The following SRSF3 variants were observed in gnomAD, a reference collection of about 807,000 sequenced individuals.
SRSF3 encodes serine/arginine-rich splicing factor 3.
For missense variants in SRSF3, 58 were observed against 217.1 expected, an observed-to-expected ratio of 0.27 and a Z score of 4.61; for synonymous variants, 87 against 73.6, an observed-to-expected ratio of 1.18 and a Z score of -0.93.
chr6:36,598,831 A>C lies in SRSF3; in HGVS notation c.207-18A>C, dbSNP rs374555989. 18 of 1,609,272 alleles carry C rather than the reference A, an allele frequency of 1.1e-5. No individual in the cohort carries two copies. The highest frequency in any genetic ancestry group is 1.4e-5 in the Non-Finnish European group (16 of 1,178,806). On this transcript the variant is annotated intron_variant, in intron 2 of 5. Coordinates refer to ENST00000373715, the MANE Select transcript of SRSF3 (RefSeq NM_003017.5). Reference sequence around the variant, plus strand: ...AGAAAGTCAGGCTGTTTTAAGTTTAATATCTTTGCCCCCTCAGAACACTAT... The same window carrying C: ...AGAAAGTCAGGCTGTTTTAAGTTTACTATCTTTGCCCCCTCAGAACACTAT...
At position 36,603,251 on chromosome 6, in the gene SRSF3, T is replaced by A. The variant is rs1386924522; in HGVS notation, c.*1262T>A. On this transcript the variant is annotated 3_prime_UTR_variant, in exon 6 of 6. Transcript: ENST00000373715. The stretch of plus-strand genomic sequence containing the variant: ...AGGTCTAAAAATTGCTTCCATTTTA[T>A]AATTTGAGGTGTTGCATGGGAATTC... 4.5e-6 allele frequency: 1 copy of A among 224,556 alleles called. No individual in the cohort carries two copies. The highest frequency in any genetic ancestry group is 8.9e-6 in the Non-Finnish European group (1 of 112,422). The allele number at this position is 224,556 out of a possible 1,614,324, so 13.9% of individuals were successfully genotyped here.
Position 36,603,829 on chromosome 6 carries a change from T to G in SRSF3, c.*1840T>G, listed in dbSNP as rs371156522. 1 of 231,562 alleles carries G rather than the reference T, an allele frequency of 4.3e-6. No homozygotes were observed. The highest frequency in any genetic ancestry group is 8.5e-6 in the Non-Finnish European group (1 of 117,110). 14.3% of individuals were successfully genotyped at this position (231,562 alleles called of 1,614,324 possible). On this transcript the variant is annotated 3_prime_UTR_variant, in exon 6 of 6. Transcript: ENST00000373715. Reference sequence around the variant, plus strand: ...TTGCTTTTTATAAATGGACAACTTATGTGGGCATTTTTGGGCAGTATATGA... The same window carrying G: ...TTGCTTTTTATAAATGGACAACTTAGGTGGGCATTTTTGGGCAGTATATGA...
intron 2 of SRSF3, 65 bp from the exon 3 acceptor site, chr6:36,598,784 T>G: frequency 6.3e-7 from 1 of 1,576,904 alleles, no homozygotes; most frequent in South Asian, 1.1e-5. Context: ...CTGAGAGTAC[T>G]TTTGGCTTTA....
At chr6:36,600,383 G>A (rs1778692365) in intron 3 of SRSF3, 2 of 650,020 alleles carry the variant, frequency 3.1e-6, no homozygotes, top group African/African-American at 2.0e-5. Context: ...TAATTGAATG[G>A]TAACGTACAT....
At chr6:36,597,092 G>A (rs1778641985) in intron 2 of SRSF3, 124 bp downstream of exon 2, 1 of 645,962 alleles carries the variant, frequency 1.5e-6, no homozygotes, top group Non-Finnish European at 2.6e-6. Context: ...AGATACAATT[G>A]GGATCTTTTT....
rs530322958 is a variant in SRSF3, at chr6:36,596,985, G to A, written c.206+17G>A. The A allele has an allele frequency of 8.1e-6, 13 of 1,611,094 alleles. No individual in the cohort carries two copies. The East Asian group carries it at 2.5e-4, about 30-fold the overall frequency. The stretch of plus-strand genomic sequence containing the variant: ...AGATGGAAGGTGATTTAATGATTAC[G>A]CTGATAAAAATGTGTTGCTTGTGTT... On this transcript the variant is annotated intron_variant, in intron 2 of 5. Coordinates refer to ENST00000373715, the MANE Select transcript of SRSF3 (RefSeq NM_003017.5).
chr6:36,601,170 C>T lies in SRSF3; in HGVS notation c.360C>T (p.Ser120=). 21 of 1,613,776 alleles carry T rather than the reference C, an allele frequency of 1.3e-5. No individual in the cohort carries two copies. The highest frequency in any genetic ancestry group is 2.7e-5 in the African/African-American group (2 of 74,970). The change falls in exon 4 of 6, where the codon AGC becomes AGT. Residue 120 remains serine (S), a synonymous_variant. Transcript: ENST00000373715. ...CTTTTAGATCTCCAAGAAGGAGAAGCTTCTCTCGCAGCCGGAGCAGGTAAA... is the reference window on the plus strand; with the variant it reads ...CTTTTAGATCTCCAAGAAGGAGAAGTTTCTCTCGCAGCCGGAGCAGGTAAA... ...PPRRRSPRRR[S]FSRSRSRSLS... is the part of the protein sequence containing the mutation.
rs763833839 is a variant in SRSF3, at chr6:36,596,801, T to C, written c.39T>C (p.Tyr13=). Residue 13 remains tyrosine, a synonymous_variant, in exon 2 of 6, where the codon TAT becomes TAC. Coordinates refer to ENST00000373715, the MANE Select transcript of SRSF3 (RefSeq NM_003017.5). ...CCTGTCCATTGGACTGTAAGGTTTA[T>C]GTAGGCAATCTTGGAAACAATGGCA... The part of the protein sequence containing the change: ...RDSCPLDCKV[Y]VGNLGNNGNK... The C allele has an allele frequency of 6.8e-6, 11 of 1,614,022 alleles. No individual in the cohort carries two copies. Among genetic ancestry groups the C allele is most frequent in the African/African-American group, 5.3e-5 (4 of 74,918 alleles).
Position 36,604,154 on chromosome 6 carries a change from C to A in SRSF3, c.*2165C>A. 4.5e-6 allele frequency: 1 copy of A among 222,362 alleles called. No individual in the cohort carries two copies. The highest frequency in any genetic ancestry group is 9.0e-6 in the Non-Finnish European group (1 of 111,324). The allele number at this position is 222,362 out of a possible 1,614,324, so 13.8% of individuals were successfully genotyped here. A position where few individuals can be genotyped will look rare whatever the true frequency, so the allele number is the denominator to read the frequency against. ...TCCTAAAATAACAGGTCACACTAAC[C>A]GGTCTTGTCCATATTCAGGGTTGAG... On this transcript the variant is annotated 3_prime_UTR_variant, in exon 6 of 6. Transcript: ENST00000373715.
At chr6:36,599,128 T>G in intron 3 of SRSF3, 145 bp downstream of exon 3, 5 of 1,029,604 alleles carry the variant, frequency 4.9e-6, no homozygotes, top group Non-Finnish European at 6.9e-6. Context: ...TAATTTGGGG[T>G]ATGTGAGTTG....
In SRSF3 at chr6:36,603,582, C is replaced by T. The variant is rs1328203635; in HGVS notation, c.*1593C>T. 11 of 228,276 alleles carry T rather than the reference C, an allele frequency of 4.8e-5. No individual in the cohort carries two copies. In the East Asian group the frequency reaches 7.0e-4, roughly 14 times the overall value. The allele number at this position is 228,276 out of a possible 1,614,324, so 14.1% of individuals were successfully genotyped here. ...AGTTCCTAAACAAATTATTTATTTC[C>T]ACCTTTTACACAAATCTTGGGAGAA... On this transcript the variant is annotated 3_prime_UTR_variant, in exon 6 of 6. Transcript: ENST00000373715.
At chr6:36,600,307 C>T (rs1778691705) in intron 3 of SRSF3, 1 of 1,005,792 alleles carries the variant, frequency 9.9e-7, no homozygotes, top group African/African-American at 1.7e-5. Context: ...CAGTTTACTG[C>T]TGGTTAAAAT....
At position 36,596,860 on chromosome 6, in the gene SRSF3, A is replaced by G. The variant is rs1778638533; in HGVS notation, c.98A>G (p.Tyr33Cys). 1 of 1,613,982 alleles carries G rather than the reference A, an allele frequency of 6.2e-7. No individual in the cohort carries two copies. Among genetic ancestry groups the G allele is most frequent in the Admixed American group, 1.7e-5 (1 of 59,988 alleles). The change falls in exon 2 of 6, where the codon TAT becomes TGT. Residue 33 changes from tyrosine (Y) to cysteine (C), a missense_variant. Tyr to Cys is a radical substitution (Grantham distance 194, BLOSUM62 -2). Transcript: ENST00000373715. ...GAATTGGAACGGGCTTTTGGCTACTATGGACCACTCCGAAGTGTGTGGGTT... is the reference window on the plus strand; with the variant it reads ...GAATTGGAACGGGCTTTTGGCTACTGTGGACCACTCCGAAGTGTGTGGGTT... ...KTELERAFGY[Y>C]GPLRSVWVAR...
At chr6:36,599,737 A>C in intron 3 of SRSF3, 1 of 1,040,496 alleles carries the variant, frequency 9.6e-7, no homozygotes, top group South Asian at 1.3e-5. Context: ...TTTGTTAGCT[A>C]ATAGATGGTT....
intron 2 of SRSF3, among the ~76,000 whole-genome samples, chr6:36,597,803 CTT>C (rs377627108): frequency 8.2e-4 from 108 of 131,096 alleles, no homozygotes; most frequent in Admixed American, 9.1e-4. Flanking sequence ...GAATAATGGT[CTT>C]TTTTTTTTTT....
At chr6:36,601,001 CTTTTTTTTTTTTT>C (rs775227806) in intron 3 of SRSF3, 138 bp from the exon 4 acceptor site, 32 of 86,470 alleles carry the variant, frequency 3.7e-4, no homozygotes, top group African/African-American at 1.1e-3. Context: ...TCTTTTTTTT[CTTTTTTTTTTTTT>C]TTTTTTTTTT....
At chr6:36,601,656 A>G in intron 4 of SRSF3, 52 bp from the exon 5 acceptor site, 11 of 1,474,306 alleles carry the variant, frequency 7.5e-6, no homozygotes, top group Non-Finnish European at 1.0e-5. Context: ...GAAAATATTT[A>G]TGTATAATTT....
chr6:36,597,036 T>C, intron 2 of SRSF3, 68 bp downstream of exon 2: 1 of 1,467,016 alleles, frequency 6.8e-7, no homozygotes, highest in Non-Finnish European at 9.5e-7. Flanking sequence ...CTACAGGATA[T>C]GTGGCTCTTA....
chr6:36,596,035 C>T (rs3756906), intron 1 of SRSF3, among the ~76,000 whole-genome samples: 8 of 145,258 alleles, frequency 5.5e-5, no homozygotes, highest in Admixed American at 4.7e-4. Context: ...AGCGATTGTT[C>T]TGCCTCAGCC....
Sources: allele counts gnomAD v4.1 joint callset (sites outside exome capture counted in the v4.1 genomes callset), GRCh38; gene constraint gnomAD v4.1.1; transcripts MANE v1.5; gene names NCBI Gene and HGNC (gene_info 2026-07-23, HGNC 2026-07-21).